The following PUM1 variants were observed in gnomAD, a reference collection of about 807,000 sequenced individuals.
PUM1 encodes the protein pumilio RNA binding family member 1, also known as pumilio homolog 1.
In PUM1, 13 loss-of-function variants were observed where a neutral mutation model predicts 131.8. The ratio of observed to expected loss-of-function variants is 0.10; its 90% CI spans 0.06 to 0.16. The LOEUF (loss-of-function observed/expected upper bound fraction) is 0.16. Among genes scored for constraint, PUM1 ranks in the 10% least tolerant of loss-of-function variants. The pLI is 1.00. For synonymous variants in PUM1, 509 were observed against 556.5 expected (o/e 0.91, Z 1.20); for missense variants, 961 against 1,512.4 (o/e 0.64, Z 6.05).
At chr1:30,993,830 G>T (rs1324849330) in intron 6 of PUM1, among the ~76,000 whole-genome samples, 1 of 152,104 alleles carries the variant, frequency 6.6e-6, no homozygotes, top group Non-Finnish European at 1.5e-5. Flanking sequence ...CAGCACTTTG[G>T]GAGGCTAAGG....
chr1:30,968,316 T>C (rs755777323), intron 11 of PUM1, 38 bp downstream of exon 11: 1 of 1,588,336 alleles, frequency 6.3e-7, no homozygotes, highest in Admixed American at 1.7e-5. Context: ...GCAGCCTTTT[T>C]CCCTGCCAAA....
At chr1:30,990,347 A>C (rs1211048900) in intron 7 of PUM1, among the ~76,000 whole-genome samples, 2 of 152,218 alleles carry the variant, frequency 1.3e-5, no homozygotes, top group Non-Finnish European at 2.9e-5. Flanking sequence ...CCTTCTCTTA[A>C]AGGAAACACA....
intron 8 of PUM1, among the ~76,000 whole-genome samples, chr1:30,980,660 G>C (rs1641321549): frequency 2.0e-5 from 3 of 151,894 alleles, no homozygotes; most frequent in South Asian, 4.2e-4. Flanking sequence ...TTCTTCTATA[G>C]CCTATCACAT....
intron 2 of PUM1, among the ~76,000 whole-genome samples, chr1:31,045,947 T>G (rs915294522): frequency 6.6e-6 from 1 of 152,014 alleles, no homozygotes; most frequent in African/African-American, 2.4e-5. Flanking sequence ...CTGGACGTGG[T>G]GGTGCATGCT....
chr1:30,967,351 A>C, intron 11 of PUM1, 41 bp from the exon 12 acceptor site: 1 of 1,579,228 alleles, frequency 6.3e-7, no homozygotes. Context: ...TATGTTAAAC[A>C]AACAAGTATC....
intron 2 of PUM1, among the ~76,000 whole-genome samples, chr1:31,043,031 T>C (rs1643869478): frequency 1.3e-5 from 2 of 152,232 alleles, no homozygotes; most frequent in Admixed American, 6.5e-5. Context: ...GAAACAATTA[T>C]CTTTATAATT....
chr1:31,006,178 A>G, intron 4 of PUM1, 147 bp from the exon 5 acceptor site: 1 of 561,864 alleles, frequency 1.8e-6, no homozygotes, highest in East Asian at 3.0e-5. Flanking sequence ...ACTGTATGAT[A>G]TTCAACATAA....
intron 21 of PUM1, among the ~76,000 whole-genome samples, chr1:30,936,419 A>C (rs954265425): frequency 6.6e-6 from 1 of 152,236 alleles, no homozygotes; most frequent in African/African-American, 2.4e-5. Flanking sequence ...ATTTCAAAAA[A>C]TGTAGCTTAA....
chr1:31,064,823 G>T (rs1014167171), intron 1 of PUM1, among the ~76,000 whole-genome samples: 2 of 143,014 alleles, frequency 1.4e-5, no homozygotes, highest in Admixed American at 1.5e-4. Flanking sequence ...CTCACTTGAC[G>T]TGGGAATGGT....
chr1:31,005,602 T>C lies in PUM1; in HGVS notation c.720+251A>G, dbSNP rs192288597. Among the ~76,000 whole-genome samples the C allele has an allele frequency of 8.5e-5, 13 of 152,320 alleles. 1 individual carries two copies. In the East Asian group the frequency reaches 2.5e-3, roughly 29 times the overall value. On this transcript the variant is annotated intron_variant, in intron 5 of 21. Coordinates refer to ENST00000426105, the MANE Select transcript of PUM1 (RefSeq NM_001020658.2). ...GAACTTTGATCCAGATTTCAGTTCTTATCTCACAATACTATCAATGTGTCC... is the reference window on the plus strand; with the variant it reads ...GAACTTTGATCCAGATTTCAGTTCTCATCTCACAATACTATCAATGTGTCC...
intron 3 of PUM1, among the ~76,000 whole-genome samples, chr1:31,016,298 AT>A (rs1471372058): frequency 6.6e-6 from 1 of 152,220 alleles, no homozygotes; most frequent in Non-Finnish European, 1.5e-5. Flanking sequence ...CCAACCTGTA[AT>A]AAACTTCCAA....
chr1:30,964,203 A>G (rs1197022756), intron 14 of PUM1, among the ~76,000 whole-genome samples: 1 of 152,220 alleles, frequency 6.6e-6, no homozygotes, highest in African/African-American at 2.4e-5. Flanking sequence ...ATTTTAAAAT[A>G]TGGCAAAATT....
At chr1:30,975,408 T>C (rs1051208829) in intron 9 of PUM1, among the ~76,000 whole-genome samples, 6 of 151,750 alleles carry the variant, frequency 4.0e-5, no homozygotes, top group Admixed American at 2.0e-4. Flanking sequence ...TGGAATGCAA[T>C]GAGGCAATCT....
intron 8 of PUM1, 38 bp downstream of exon 8, chr1:30,981,274 A>C (rs1292561521): frequency 4.5e-6 from 6 of 1,344,224 alleles, no homozygotes; most frequent in Non-Finnish European, 5.1e-6. Flanking sequence ...AATGGCGGCC[A>C]CACCTATCAT....
intron 14 of PUM1, among the ~76,000 whole-genome samples, chr1:30,956,917 T>G (rs1481736195): frequency 6.6e-6 from 1 of 152,176 alleles, no homozygotes; most frequent in South Asian, 2.1e-4. Flanking sequence ...CACTCTTTGT[T>G]GGATGTTCTG....
At chr1:30,989,571 CA>C (rs1174565063) in intron 7 of PUM1, among the ~76,000 whole-genome samples, 2,557 of 27,478 alleles carry the variant, frequency 0.093, 4 homozygotes, top group East Asian at 0.22. Context: ...GACTCCGTCT[CA>C]AAAAAAAAAA....
intron 2 of PUM1, among the ~76,000 whole-genome samples, chr1:31,058,209 C>T (rs1644289825): frequency 6.6e-6 from 1 of 152,168 alleles, no homozygotes; most frequent in Non-Finnish European, 1.5e-5. Flanking sequence ...CTGATGTTAT[C>T]AACTTCCCCC....
At chr1:30,980,321 G>T in intron 8 of PUM1, 158 bp from the exon 9 acceptor site, 1 of 651,028 alleles carries the variant, frequency 1.5e-6, no homozygotes, top group Non-Finnish European at 2.7e-6. Flanking sequence ...ATTTTAAAAA[G>T]ATAACTGCTA....
chr1:31,025,210 T>A (rs1194210955), intron 3 of PUM1, among the ~76,000 whole-genome samples: 6 of 152,168 alleles, frequency 3.9e-5, no homozygotes, highest in Non-Finnish European at 5.9e-5. Flanking sequence ...TAGCAAGATT[T>A]CTTCTAAGAA....
Sources: gnomAD v4.1 joint callset for allele counts (sites outside exome capture counted in the v4.1 genomes callset) on GRCh38, gnomAD v4.1.1 for gene constraint, MANE v1.5 for transcripts, NCBI Gene and HGNC (gene_info 2026-07-23, HGNC 2026-07-21) for gene names.